ALG1L2: variants seen among roughly 807,000 people sequenced by gnomAD.
ALG1L2 encodes putative glycosyltransferase ALG1L2.
A neutral mutation model predicts 29.0 loss-of-function variants in ALG1L2; 32 were observed. The ratio of observed to expected loss-of-function variants is 1.10; its 90% CI spans 0.83 to 1.48. ALG1L2 has a LOEUF of 1.48. Ranked by LOEUF, ALG1L2 falls within the 40% of genes most tolerant of loss-of-function variation. The probability of loss-of-function intolerance (pLI) is 0.00; values close to 1 mark genes in which losing one functional copy is unlikely to be tolerated. For synonymous variants in ALG1L2, 110 were observed against 109.5 expected (o/e 1.00, Z -0.03); for missense variants, 318 against 274.1 (o/e 1.16, Z -1.13).
At chr3:130,084,043 A>G (rs995904806) in intron 1 of ALG1L2, among the ~76,000 whole-genome samples, 11 of 151,252 alleles carry the variant, frequency 7.3e-5, no homozygotes, top group Admixed American at 6.6e-4. Flanking sequence ...TGCAGTGGCC[A>G]TGGGGCATCC....
intron 1 of ALG1L2, among the ~76,000 whole-genome samples, chr3:130,084,387 G>A (rs1451256763): frequency 2.0e-5 from 3 of 149,068 alleles, no homozygotes; most frequent in African/African-American, 2.4e-5. Context: ...AAGGAGACAG[G>A]AGGAAAGGGG....
intron 1 of ALG1L2, among the ~76,000 whole-genome samples, 186 bp downstream of exon 1, chr3:130,082,222 G>A (rs1194863613): frequency 2.0e-5 from 3 of 147,076 alleles, no homozygotes; most frequent in Non-Finnish European, 4.6e-5. Flanking sequence ...AAATTGAGAT[G>A]AATTCATGGG....
chr3:130,092,587 C>T (rs1577328539), intron 3 of ALG1L2, among the ~76,000 whole-genome samples: 1 of 152,106 alleles, frequency 6.6e-6, no homozygotes, highest in South Asian at 2.1e-4. Context: ...AGGTGGGCCG[C>T]CCTGAATCCC....
At chr3:130,094,103 G>T (rs56358723) in intron 4 of ALG1L2, 30,159 of 435,814 alleles carry the variant, frequency 0.069, 1,411 homozygotes, top group East Asian at 0.19. Flanking sequence ...CAGACAGAAG[G>T]CTGGGCCCAC....
Position 130,092,162 on chromosome 3 carries a change from G to C in ALG1L2, c.193G>C (p.Gly65Arg). ...SAFTERDSGS[G>R]LVTRLHERPA... ...CTTCACGGAGCGGGATTCTGGGAGCGGGCTGGTGACGCGTCTCCACGAGCG... is the reference window on the plus strand; with the variant it reads ...CTTCACGGAGCGGGATTCTGGGAGCCGGCTGGTGACGCGTCTCCACGAGCG... Residue 65 changes from glycine to arginine, a missense_variant, in exon 3 of 8, where the codon GGG (glycine) becomes CGG (arginine). Gly to Arg is a moderately radical substitution (Grantham distance 125). Coordinates refer to ENST00000425059, the MANE Select transcript of ALG1L2 (RefSeq NM_001136152.1). The C allele has an allele frequency of 1.9e-6, 3 of 1,613,338 alleles. No homozygotes were observed. Among genetic ancestry groups the C allele is most frequent in the South Asian group, 2.2e-5 (2 of 91,032 alleles).
At chr3:130,093,282 A>T (rs957261942) in intron 4 of ALG1L2, 122 bp downstream of exon 4, 24 of 1,227,782 alleles carry the variant, frequency 2.0e-5, no homozygotes, top group Non-Finnish European at 2.6e-5. Context: ...GCTCTCTGCC[A>T]TAGGGTCTTA....
In ALG1L2 at chr3:130,094,491, C is replaced by T. The variant is rs1396923405; in HGVS notation, c.402C>T (p.Gly134=). The change falls in exon 5 of 8, where the codon GGC becomes GGT. Residue 134 remains glycine, a synonymous_variant. Transcript: ENST00000425059. Reference sequence around the variant, plus strand: ...AGGTCTGCATCCCCTGGCTGGAGGGCCGAGGACTACCCCCGCTTCTAGGTG... The same window carrying T: ...AGGTCTGCATCCCCTGGCTGGAGGGTCGAGGACTACCCCCGCTTCTAGGTG... The part of the protein sequence containing the change: ...HIQVCIPWLE[G]RGLPPLLGSV... The T allele has an allele frequency of 2.5e-6, 4 of 1,595,994 alleles. No homozygotes were observed. The South Asian group carries it at 3.3e-5, about 13-fold the overall frequency.
intron 5 of ALG1L2, among the ~76,000 whole-genome samples, chr3:130,095,593 C>T (rs1461858359): frequency 9.9e-5 from 15 of 151,434 alleles, no homozygotes; most frequent in South Asian, 4.2e-4. Context: ...CCTGCCATGA[C>T]GCTTCGCTAA....
chr3:130,088,088 A>T (rs1221592147), intron 1 of ALG1L2, among the ~76,000 whole-genome samples: 11 of 152,392 alleles, frequency 7.2e-5, no homozygotes, highest in Middle Eastern at 3.4e-3. Context: ...GTGACTCAAA[A>T]CAGGAGCACA....
Position 130,095,993 on chromosome 3 carries a change from A to C in ALG1L2, c.425-56A>C, listed in dbSNP as rs1296884961. 2.0e-6 allele frequency: 3 copies of C among 1,479,392 alleles called. No individual in the cohort carries two copies. In the African/African-American group the frequency reaches 5.0e-5, roughly 25 times the overall value. The allele number at this position is 1,479,392 out of a possible 1,614,324, so 91.6% of individuals were successfully genotyped here. A position where few individuals can be genotyped will look rare whatever the true frequency, so the allele number is the denominator to read the frequency against. ...GGTGTTGCCTCACTGTGCTGGGAGG[A>C]TTTGTGTTCCCGGGGCAGAGACCAG... On this transcript the variant is annotated intron_variant, in intron 5 of 7. Coordinates refer to ENST00000425059, the MANE Select transcript of ALG1L2 (RefSeq NM_001136152.1).
chr3:130,094,462 A>G lies in ALG1L2; in HGVS notation c.373A>G (p.Ile125Val). The G allele has an allele frequency of 6.3e-7, 1 of 1,596,036 alleles. No individual in the cohort carries two copies. The highest frequency in any genetic ancestry group is 8.5e-7 in the Non-Finnish European group (1 of 1,179,656). The change falls in exon 5 of 8, where the codon ATC becomes GTC. Residue 125 changes from isoleucine (I) to valine (V), a missense_variant. Transcript: ENST00000425059. Reference sequence around the variant, plus strand: ...CATCCACCAGAAGCATTTCCAGCACATCCAGGTCTGCATCCCCTGGCTGGA... The same window carrying G: ...CATCCACCAGAAGCATTTCCAGCACGTCCAGGTCTGCATCCCCTGGCTGGA... ...RLIHQKHFQH[I>V]QVCIPWLEGR...
chr3:130,098,125 C>G lies in ALG1L2; in HGVS notation c.616-98C>G. The G allele has an allele frequency of 2.6e-6, 4 of 1,523,504 alleles. No individual in the cohort carries two copies. In the Admixed American group the frequency reaches 7.5e-5, roughly 28 times the overall value. The allele number at this position is 1,523,504 out of a possible 1,614,324, so 94.4% of individuals were successfully genotyped here. On this transcript the variant is annotated intron_variant, in intron 7 of 7. Transcript: ENST00000425059. ...CAAGTCCAAGTGAGGGAGCTAGGGA[C>G]TTGGGAGGGGTTGTTGTTGGGTCGG...
chr3:130,087,092 C>T (rs1161530033), intron 1 of ALG1L2, among the ~76,000 whole-genome samples: 2 of 148,578 alleles, frequency 1.3e-5, no homozygotes, highest in Admixed American at 6.8e-5. Context: ...TTAACCAGAG[C>T]GAGTATGGCT....
intron 1 of ALG1L2, among the ~76,000 whole-genome samples, chr3:130,088,953 A>G (rs538361708): frequency 2.0e-4 from 30 of 152,422 alleles, no homozygotes; most frequent in South Asian, 1.7e-3. Context: ...CCCAGACCCC[A>G]AAATGGAGTT....
chr3:130,092,408 G>A (rs1935037669), intron 3 of ALG1L2, among the ~76,000 whole-genome samples, 186 bp downstream of exon 3: 1 of 152,210 alleles, frequency 6.6e-6, no homozygotes, highest in Non-Finnish European at 1.5e-5. Flanking sequence ...TCTCATAGAG[G>A]ACGAAGACTT....
intron 5 of ALG1L2, 57 bp from the exon 6 acceptor site, chr3:130,095,992 G>A: frequency 6.8e-7 from 1 of 1,480,452 alleles, no homozygotes; most frequent in Non-Finnish European, 9.1e-7. Context: ...GTGCTGGGAG[G>A]ATTTGTGTTC....
chr3:130,082,358 T>A (rs1934806090), intron 1 of ALG1L2, among the ~76,000 whole-genome samples: 1 of 130,110 alleles, frequency 7.7e-6, no homozygotes, highest in Non-Finnish European at 1.8e-5. Flanking sequence ...TTGTTTTGTT[T>A]TGAGAAAGAG....
At chr3:130,095,086 G>A (rs1935101435) in intron 5 of ALG1L2, among the ~76,000 whole-genome samples, 1 of 152,190 alleles carries the variant, frequency 6.6e-6, no homozygotes, top group Non-Finnish European at 1.5e-5. Context: ...CTAGGTTGGA[G>A]TGCATGATCT....
rs547811760 is a variant in ALG1L2 at position 130,097,363 on chromosome 3, G to A, written c.615+113G>A. On this transcript the variant is annotated intron_variant, in intron 7 of 7. Coordinates refer to ENST00000425059, the MANE Select transcript of ALG1L2 (RefSeq NM_001136152.1). ...AGGGTGGGACCATGCGGGGTCTGGCGGAAAAGCTAGGGAGGGAGCAGAAGT... is the reference window on the plus strand; with the variant it reads ...AGGGTGGGACCATGCGGGGTCTGGCAGAAAAGCTAGGGAGGGAGCAGAAGT... 243 of 1,467,676 alleles carry A rather than the reference G, an allele frequency of 1.7e-4. 1 individual carries two copies. The African/African-American group carries it at 2.0e-3, about 12-fold the overall frequency. The allele number at this position is 1,467,676 out of a possible 1,614,324, so 90.9% of individuals were successfully genotyped here. A position where few individuals can be genotyped will look rare whatever the true frequency, so the allele number is the denominator to read the frequency against.
Sources: allele counts gnomAD v4.1 joint callset (sites outside exome capture counted in the v4.1 genomes callset), GRCh38; gene constraint gnomAD v4.1.1; transcripts MANE v1.5; gene names NCBI Gene and HGNC (gene_info 2026-07-23, HGNC 2026-07-21).